The following PRKD1 variants were observed in gnomAD, a reference collection of about 807,000 sequenced individuals.
PRKD1 encodes the protein protein kinase D1.
Under a neutral mutation model 95.9 loss-of-function variants are expected in PRKD1, and 63 were observed. The ratio of observed to expected loss-of-function variants is 0.66; its 90% CI spans 0.54 to 0.81. PRKD1 has a LOEUF of 0.81. PRKD1 is among the 30% of genes least tolerant of loss of function. The probability of loss-of-function intolerance (pLI) is 0.00; values close to 1 mark genes in which losing one functional copy is unlikely to be tolerated. For synonymous variants in PRKD1, 425 were observed against 423.1 expected (o/e 1.00, Z -0.05); for missense variants, 1,048 against 1,165.3 (o/e 0.90, Z 1.47).
chr14:29,641,426 A>G (rs1169170362), intron 4 of PRKD1, among the ~76,000 whole-genome samples: 1 of 152,178 alleles, frequency 6.6e-6, no homozygotes, highest in Non-Finnish European at 1.5e-5. Flanking sequence ...TACAATCTTG[A>G]CACAGGGTGC....
In PRKD1 at chr14:29,633,009, C is replaced by G. The variant is rs1158439724; in HGVS notation, c.1315-63G>C. On this transcript the variant is annotated intron_variant, in intron 8 of 17. Coordinates refer to ENST00000331968, the MANE Select transcript of PRKD1 (RefSeq NM_002742.3). ...CTTTAAAAATATCCCCAATTGAAAA[C>G]ATAAATAGATTTCCCCAATAGGGAC... 3.5e-6 allele frequency: 5 copies of G among 1,438,058 alleles called. No individual in the cohort carries two copies. In the African/African-American group the frequency reaches 5.6e-5, roughly 16 times the overall value. 89.1% of individuals were successfully genotyped at this position (1,438,058 alleles called of 1,614,324 possible). A position where few individuals can be genotyped will look rare whatever the true frequency, so the allele number is the denominator to read the frequency against.
chr14:29,702,880 C>T (rs1356375293), intron 2 of PRKD1, among the ~76,000 whole-genome samples: 1 of 152,088 alleles, frequency 6.6e-6, no homozygotes, highest in Admixed American at 6.5e-5. Flanking sequence ...TTCAAATTAG[C>T]TGTAATTTCA....
intron 1 of PRKD1, among the ~76,000 whole-genome samples, chr14:29,827,391 C>A (rs1448722671): frequency 2.2e-4 from 33 of 152,166 alleles, no homozygotes; most frequent in Non-Finnish European, 4.4e-5. Flanking sequence ...GGTTAGATGG[C>A]ACAAAGACAA....
chr14:29,767,788 A>C (rs1888320665), intron 1 of PRKD1, among the ~76,000 whole-genome samples: 1 of 152,238 alleles, frequency 6.6e-6, no homozygotes, highest in African/African-American at 2.4e-5. Flanking sequence ...ACTATATTTT[A>C]AAGTGACTGA....
intron 1 of PRKD1, among the ~76,000 whole-genome samples, chr14:29,858,244 T>A (rs1566639994): frequency 6.6e-6 from 1 of 152,232 alleles, no homozygotes. Context: ...TATCACCATC[T>A]GACCTCATAA....
At chr14:29,655,949 A>G in intron 4 of PRKD1, among the ~76,000 whole-genome samples, 1 of 148,498 alleles carries the variant, frequency 6.7e-6, no homozygotes, top group Admixed American at 6.6e-5. Flanking sequence ...TAAAAAAAGA[A>G]AAAAAAAGAA....
intron 1 of PRKD1, among the ~76,000 whole-genome samples, chr14:29,842,728 G>A (rs987551048): frequency 9.9e-5 from 15 of 152,160 alleles, no homozygotes; most frequent in African/African-American, 3.6e-4. Flanking sequence ...TTGTCCATCA[G>A]TTGACACATG....
intron 1 of PRKD1, among the ~76,000 whole-genome samples, chr14:29,749,839 T>C (rs1360880128): frequency 6.6e-6 from 1 of 152,228 alleles, no homozygotes. Flanking sequence ...AAATCCAATA[T>C]TTATTTTCCT....
chr14:29,725,449 TTA>T lies in PRKD1; in HGVS notation c.403+85_403+86del, dbSNP rs776729964. ...TGGAGCTGAGTTTGAGATATGCTTT[TTA>T]TGTTTCCTTAAAAACATATGCCCAA... On this transcript the variant is annotated intron_variant, in intron 2 of 17. Transcript: ENST00000331968. 3.4e-5 allele frequency: 50 copies of T among 1,478,792 alleles called. 1 individual carries two copies. The highest frequency in any genetic ancestry group is 1.9e-5 in the Admixed American group (1 of 51,790). The allele number at this position is 1,478,792 out of a possible 1,614,324, so 91.6% of individuals were successfully genotyped here.
At chr14:29,585,079 A>T (rs943597168) in intron 16 of PRKD1, among the ~76,000 whole-genome samples, 5 of 151,734 alleles carry the variant, frequency 3.3e-5, no homozygotes, top group Admixed American at 1.3e-4. Context: ...TTCCCTTTCA[A>T]TTCTGCCTCA....
rs191984324 is a variant in PRKD1, at chr14:29,615,453, G to T, written c.1905+8699C>A. Among the ~76,000 whole-genome samples the T allele has an allele frequency of 9.2e-4, 140 of 152,356 alleles. 1 individual carries two copies. The highest frequency in any genetic ancestry group is 3.2e-3 in the African/African-American group (134 of 41,586). ...AAAATAATCCAAAGTTTGCTGCTCA[G>T]CTTTTAAAACCTGTTTATGTTGCTG... On this transcript the variant is annotated intron_variant, in intron 13 of 17. Transcript: ENST00000331968.
At chr14:29,742,017 G>A (rs968343128) in intron 1 of PRKD1, among the ~76,000 whole-genome samples, 1 of 152,062 alleles carries the variant, frequency 6.6e-6, no homozygotes, top group African/African-American at 2.4e-5. Context: ...TTGGTTCCAA[G>A]GACAAAAATC....
At chr14:29,732,927 T>C (rs557200419) in intron 1 of PRKD1, among the ~76,000 whole-genome samples, 7 of 148,340 alleles carry the variant, frequency 4.7e-5, no homozygotes, top group Middle Eastern at 6.9e-3. Flanking sequence ...TTTTTTTTTT[T>C]CAGTTTATCT....
At position 29,626,487 on chromosome 14, in the gene PRKD1, C is replaced by A. The variant is rs1879631012; in HGVS notation, c.1795G>T (p.Gly599Ter). ...LGSGQFGIVYGGKHRKTGRDV... is the reference protein window; with the variant it reads ...LGSGQFGIVY ...AATACTCAGTGAGATAACCTACCTC[C>A]ATAAACAATTCCAAACTGTCCAGAA... The change falls in exon 12 of 18, where the codon GGA (glycine) becomes TGA (stop). Residue 599 changes from glycine to a stop codon, truncating the protein, a stop_gained. Coordinates refer to ENST00000331968, the MANE Select transcript of PRKD1 (RefSeq NM_002742.3). LOFTEE classifies it high-confidence loss of function. 6.2e-7 allele frequency: 1 copy of A among 1,609,804 alleles called. No homozygotes were observed.
At chr14:29,650,812 C>A (rs1040286964) in intron 4 of PRKD1, among the ~76,000 whole-genome samples, 3 of 152,180 alleles carry the variant, frequency 2.0e-5, no homozygotes, top group Admixed American at 1.3e-4. Context: ...TGTGACCTTG[C>A]AGCTGCACAG....
intron 13 of PRKD1, among the ~76,000 whole-genome samples, chr14:29,617,799 T>TCTCATGC (rs1487362893): frequency 1.3e-5 from 2 of 152,166 alleles, no homozygotes; most frequent in Non-Finnish European, 2.9e-5. Context: ...TGGTGCAGTG[T>TCTCATGC]CTCATGCCTG....
chr14:29,608,579 C>A (rs950720080), intron 13 of PRKD1, among the ~76,000 whole-genome samples: 3 of 152,104 alleles, frequency 2.0e-5, no homozygotes, highest in Non-Finnish European at 4.4e-5. Flanking sequence ...GTTGCCAACC[C>A]TAAGGTATTT....
At chr14:29,707,804 T>A (rs1024617718) in intron 2 of PRKD1, among the ~76,000 whole-genome samples, 2 of 152,152 alleles carry the variant, frequency 1.3e-5, no homozygotes, top group African/African-American at 4.8e-5. Context: ...CTCTAGATTG[T>A]GTCTGTCGGC....
chr14:29,806,515 A>G (rs1890241449), intron 1 of PRKD1, among the ~76,000 whole-genome samples: 1 of 152,210 alleles, frequency 6.6e-6, no homozygotes, highest in Admixed American at 6.5e-5. Flanking sequence ...GAAAACAGCC[A>G]GCGCATCATG....
Sources: allele counts gnomAD v4.1 joint callset (sites outside exome capture counted in the v4.1 genomes callset), GRCh38; gene constraint gnomAD v4.1.1; transcripts MANE v1.5; gene names NCBI Gene and HGNC (gene_info 2026-07-23, HGNC 2026-07-21).